TMEFF1: variants seen among roughly 807,000 people sequenced by gnomAD.
TMEFF1 encodes the protein tomoregulin-1.
In TMEFF1, 20 loss-of-function variants were observed where a neutral mutation model predicts 47.5. The ratio of observed to expected loss-of-function variants is 0.42; its 90% CI spans 0.30 to 0.61. The LOEUF (loss-of-function observed/expected upper bound fraction) is 0.61. Ranked by LOEUF, TMEFF1 falls within the 20% of genes least tolerant of loss-of-function variation. The pLI is 0.19. For missense variants in TMEFF1, 411 were observed against 471.1 expected (o/e 0.87, Z 1.18); for synonymous variants, 162 against 166.3 (o/e 0.97, Z 0.20).
At chr9:100,479,697 A>T (rs1837304086) in intron 1 of TMEFF1, among the ~76,000 whole-genome samples, 1 of 152,244 alleles carries the variant, frequency 6.6e-6, no homozygotes, top group South Asian at 2.1e-4. Context: ...GTGTATCAGA[A>T]CTTCATTCCT....
chr9:100,505,305 G>C (rs1837836675), intron 2 of TMEFF1, among the ~76,000 whole-genome samples: 1 of 148,290 alleles, frequency 6.7e-6, no homozygotes, highest in Non-Finnish European at 1.5e-5. Context: ...CCAGCTACTT[G>C]GGAGGCTGAG....
chr9:100,573,113 G>A (rs967458709), intron 9 of TMEFF1, among the ~76,000 whole-genome samples: 1 of 151,746 alleles, frequency 6.6e-6, no homozygotes, highest in Non-Finnish European at 1.5e-5. Flanking sequence ...GACTATAGGC[G>A]TGAACCACCC....
At chr9:100,493,501 A>G (rs762401468) in intron 1 of TMEFF1, among the ~76,000 whole-genome samples, 1 of 152,158 alleles carries the variant, frequency 6.6e-6, no homozygotes, top group Non-Finnish European at 1.5e-5. Flanking sequence ...AGTTTCTCCC[A>G]CTAGTGTGTA....
chr9:100,533,004 T>C (rs1267337043), intron 5 of TMEFF1, among the ~76,000 whole-genome samples: 2 of 147,840 alleles, frequency 1.4e-5, no homozygotes, highest in Non-Finnish European at 3.0e-5. Context: ...AACAAAACAC[T>C]GCATATTCTC....
In TMEFF1 at chr9:100,480,717, GC is replaced by G. The variant is rs1342828403; in HGVS notation, c.196+6978del. Among the ~76,000 whole-genome samples, 13 of 152,288 alleles carry G rather than the reference GC, an allele frequency of 8.5e-5. 1 individual carries two copies. The highest frequency in any genetic ancestry group is 2.6e-4 in the Admixed American group (4 of 15,298). ...TTACACTCAAAAAAAAGGTCTTGGT[GC>G]TACATTGGGAAATGAATGTATAATT... On this transcript the variant is annotated intron_variant, in intron 1 of 9. Transcript: ENST00000374879.
Position 100,513,628 on chromosome 9 carries a change from G to A in TMEFF1, c.463+295G>A, listed in dbSNP as rs114557822. 6.0e-3 allele frequency among the ~76,000 whole-genome samples: 909 copies of A among 152,016 alleles called. 8 individuals carry two copies. Among genetic ancestry groups the A allele is most frequent in the African/African-American group, 0.02 (848 of 41,480 alleles). ...AACCCAACTCTCCCTCTCAGCTCTA[G>A]GCATTCTTGTTTCTTGCATTTTTCT... On this transcript the variant is annotated intron_variant, in intron 4 of 9. Coordinates refer to ENST00000374879, the MANE Select transcript of TMEFF1 (RefSeq NM_003692.5).
chr9:100,490,926 G>A (rs138676021), intron 1 of TMEFF1, among the ~76,000 whole-genome samples: 70 of 150,456 alleles, frequency 4.7e-4, no homozygotes, highest in Non-Finnish European at 7.8e-4. Context: ...ATATTGTCCC[G>A]GCTGATCTTC....
At chr9:100,475,572 T>G (rs974449027) in intron 1 of TMEFF1, among the ~76,000 whole-genome samples, 8 of 152,206 alleles carry the variant, frequency 5.3e-5, no homozygotes, top group African/African-American at 1.9e-4. Context: ...CTAAGCTAAT[T>G]CGTTCTTAGC....
intron 7 of TMEFF1, among the ~76,000 whole-genome samples, chr9:100,557,931 C>T (rs988904582): frequency 3.3e-5 from 5 of 151,300 alleles, no homozygotes; most frequent in Admixed American, 6.6e-5. Flanking sequence ...TGGCATTGAG[C>T]GGAATATTAG....
intron 5 of TMEFF1, among the ~76,000 whole-genome samples, chr9:100,527,556 G>A (rs892973134): frequency 2.6e-5 from 4 of 152,212 alleles, no homozygotes; most frequent in Non-Finnish European, 4.4e-5. Flanking sequence ...GGCACACCAC[G>A]AGATTATATC....
intron 5 of TMEFF1, among the ~76,000 whole-genome samples, chr9:100,537,318 T>A (rs1838533766): frequency 2.0e-5 from 3 of 152,292 alleles, no homozygotes; most frequent in East Asian, 1.9e-4. Context: ...TGGAGGGTGA[T>A]GAGGATGATA....
intron 6 of TMEFF1, among the ~76,000 whole-genome samples, chr9:100,549,383 C>T (rs572084946): frequency 3.7e-4 from 56 of 152,270 alleles, no homozygotes; most frequent in Middle Eastern, 3.4e-3. Context: ...CCACAAGGCC[C>T]CTTTTCCAAC....
At chr9:100,526,432 C>T (rs759019316) in intron 5 of TMEFF1, among the ~76,000 whole-genome samples, 18 of 151,974 alleles carry the variant, frequency 1.2e-4, no homozygotes, top group Non-Finnish European at 2.2e-4. Context: ...CTCATTTTAT[C>T]TTTTTTTCCC....
Position 100,576,745 on chromosome 9 carries a change from C to T in TMEFF1, c.*145C>T, listed in dbSNP as rs944897620. 1.3e-5 allele frequency: 13 copies of T among 1,014,684 alleles called. No homozygotes were observed. The highest frequency in any genetic ancestry group is 3.0e-5 in the Admixed American group (1 of 33,612). The allele number at this position is 1,014,684 out of a possible 1,614,324, so 62.9% of individuals were successfully genotyped here. A position where few individuals can be genotyped will look rare whatever the true frequency, so the allele number is the denominator to read the frequency against. On this transcript the variant is annotated 3_prime_UTR_variant, in exon 10 of 10. Transcript: ENST00000374879. Reference sequence around the variant, plus strand: ...GGCTCGTATTTAGAATATTCAGCTACGACAGTTTTGGACTGTTTAGTAGTC... The same window carrying T: ...GGCTCGTATTTAGAATATTCAGCTATGACAGTTTTGGACTGTTTAGTAGTC...
At chr9:100,529,544 A>G (rs1392598191) in intron 5 of TMEFF1, among the ~76,000 whole-genome samples, 5 of 151,452 alleles carry the variant, frequency 3.3e-5, no homozygotes, top group Admixed American at 2.6e-4. Flanking sequence ...AGAGCTAACT[A>G]TCCTAAATAT....
In TMEFF1 at chr9:100,547,849, A is replaced by G; in HGVS notation, c.666A>G (p.Ile222Met). The G allele has an allele frequency of 6.2e-7, 1 of 1,608,920 alleles. No individual in the cohort carries two copies. The highest frequency in any genetic ancestry group is 8.5e-7 in the Non-Finnish European group (1 of 1,178,304). The change falls in exon 6 of 10, where the codon ATA becomes ATG. Residue 222 changes from isoleucine (I) to methionine (M), a missense_variant. Ile to Met is a conservative substitution (Grantham distance 10, BLOSUM62 1). Coordinates refer to ENST00000374879, the MANE Select transcript of TMEFF1 (RefSeq NM_003692.5). ...NPCFVREASCIKQEQIDIRHL... is the reference protein window; with the variant it reads ...NPCFVREASCMKQEQIDIRHL... ...GTTTTGTTCGAGAAGCATCTTGTAT[A>G]AAGCAAGAACAAATTGATATAAGGC...
At chr9:100,542,017 A>G (rs1445372071) in intron 5 of TMEFF1, among the ~76,000 whole-genome samples, 1 of 152,062 alleles carries the variant, frequency 6.6e-6, no homozygotes, top group Admixed American at 6.6e-5. Context: ...TTAATTGGAA[A>G]ATGTGGTCAA....
chr9:100,502,272 G>T (rs1837776349), intron 2 of TMEFF1, among the ~76,000 whole-genome samples: 1 of 151,716 alleles, frequency 6.6e-6, no homozygotes, highest in African/African-American at 2.4e-5. Flanking sequence ...ATTTTTAATT[G>T]ACAAAAATAA....
At chr9:100,481,373 G>A (rs535049816) in intron 1 of TMEFF1, among the ~76,000 whole-genome samples, 1 of 152,314 alleles carries the variant, frequency 6.6e-6, no homozygotes, top group Admixed American at 6.5e-5. Context: ...TAGATTAATG[G>A]CTGAATGAAC....
Sources: gnomAD v4.1 joint callset for allele counts (sites outside exome capture counted in the v4.1 genomes callset) on GRCh38, gnomAD v4.1.1 for gene constraint, MANE v1.5 for transcripts, NCBI Gene and HGNC (gene_info 2026-07-23, HGNC 2026-07-21) for gene names.